The following PCDHGA7 variants were observed in gnomAD, a reference collection of about 807,000 sequenced individuals.
The protein encoded by PCDHGA7 is protocadherin gamma-A7.
A neutral mutation model predicts 58.3 loss-of-function variants in PCDHGA7; 44 were observed. The ratio of observed to expected loss-of-function variants is 0.75; its 90% CI spans 0.59 to 0.97. The LOEUF (loss-of-function observed/expected upper bound fraction) is 0.97. Ranked by LOEUF, PCDHGA7 falls within the 50% of genes least tolerant of loss-of-function variation. The probability of loss-of-function intolerance (pLI) is 0.00; values close to 1 mark genes in which losing one functional copy is unlikely to be tolerated. For missense variants in PCDHGA7, 1,266 were observed against 1,188.7 expected (o/e 1.06, Z -0.96); for synonymous variants, 516 against 504.2 (o/e 1.02, Z -0.31).
At chr5:141,405,169 CTT>C (rs1561698717) in intron 1 of PCDHGA7, 2 of 1,614,122 alleles carry the variant, frequency 1.2e-6, no homozygotes, top group Non-Finnish European at 1.7e-6. Flanking sequence ...CCACCTCACA[CTT>C]TGTGGGTGTA....
intron 1 of PCDHGA7, chr5:141,418,947 G>T (rs534744990): frequency 6.2e-7 from 1 of 1,614,022 alleles, no homozygotes; most frequent in African/African-American, 1.3e-5. Context: ...TCCCCTCCAG[G>T]AGTGGTTGTT....
chr5:141,499,616 C>T (rs538268323), intron 2 of PCDHGA7, among the ~76,000 whole-genome samples: 2 of 152,058 alleles, frequency 1.3e-5, no homozygotes, highest in South Asian at 4.2e-4. Context: ...CTTATCCTGT[C>T]CTTGGATTCT....
At chr5:141,409,294 G>T (rs1438036410) in intron 1 of PCDHGA7, 11 of 1,613,826 alleles carry the variant, frequency 6.8e-6, no homozygotes, top group South Asian at 1.1e-5. Flanking sequence ...CTCCAGGAAT[G>T]GTTGTTGCCC....
At chr5:141,482,790 G>A (rs2099572686) in intron 1 of PCDHGA7, among the ~76,000 whole-genome samples, 1 of 128,870 alleles carries the variant, frequency 7.8e-6, no homozygotes, top group African/African-American at 3.5e-5. Context: ...CTGTGTGTGT[G>A]GCCGGGTACG....
Position 141,511,451 on chromosome 5 carries a change from A to G in PCDHGA7, c.*278A>G, listed in dbSNP as rs2099883797. On this transcript the variant is annotated 3_prime_UTR_variant, in exon 4 of 4. Coordinates refer to ENST00000518325, the MANE Select transcript of PCDHGA7 (RefSeq NM_018920.4). ...GGGGTTACTGTAGACACCAAGAACC[A>G]TTTGCCACACCCCGTTTAGTTACAG... is the stretch of plus-strand genomic sequence containing the variant. The G allele has an allele frequency of 4.9e-6, 3 of 606,372 alleles. No homozygotes were observed. Among genetic ancestry groups the G allele is most frequent in the Non-Finnish European group, 8.1e-6 (3 of 368,942 alleles). The allele number at this position is 606,372 out of a possible 1,614,324, so 37.6% of individuals were successfully genotyped here.
chr5:141,449,040 C>A (rs1333983931), intron 1 of PCDHGA7, among the ~76,000 whole-genome samples: 2 of 152,126 alleles, frequency 1.3e-5, no homozygotes, highest in Non-Finnish European at 2.9e-5. Flanking sequence ...GGATTATTAA[C>A]CAGTCTCATA....
At position 141,383,865 on chromosome 5, in the gene PCDHGA7, A is replaced by C; in HGVS notation, c.966A>C (p.Gln322His). ...TAFYEMEVQA[Q>H]DGPGSLTKAK... ...TCTATGAAATGGAGGTTCAGGCTCAAGATGGTCCTGGTAGTCTGACAAAGG... is the reference window on the plus strand; with the variant it reads ...TCTATGAAATGGAGGTTCAGGCTCACGATGGTCCTGGTAGTCTGACAAAGG... Residue 322 changes from glutamine to histidine, a missense_variant, in exon 1 of 4, where the codon CAA becomes CAC. Gln to His is a conservative substitution (Grantham distance 24, BLOSUM62 0). Transcript: ENST00000518325. 1.9e-6 allele frequency: 3 copies of C among 1,614,012 alleles called. No individual in the cohort carries two copies. Among genetic ancestry groups the C allele is most frequent in the Non-Finnish European group, 2.5e-6 (3 of 1,179,900 alleles).
chr5:141,404,932 C>A, intron 1 of PCDHGA7: 1 of 1,613,944 alleles, frequency 6.2e-7, no homozygotes, highest in Non-Finnish European at 8.5e-7. Flanking sequence ...CTGTCACGCT[C>A]ACAGTAGCCA....
intron 1 of PCDHGA7, chr5:141,388,629 G>T (rs755930967): frequency 6.2e-7 from 1 of 1,613,942 alleles, no homozygotes. Context: ...CGTATACAGG[G>T]TGAGCCTTTC....
In PCDHGA7 at chr5:141,430,720, T is replaced by C. The variant is rs369549088; in HGVS notation, c.2424+45397T>C. On this transcript the variant is annotated intron_variant, in intron 1 of 3. Transcript: ENST00000518325. ...AAGGAACTGCTCCTGACTTCAGTGG[T>C]TAAGGGCAGAATTGAAAATAATTCT... The C allele has an allele frequency of 4.9e-4, 734 of 1,486,386 alleles. 1 individual carries two copies. Among genetic ancestry groups the C allele is most frequent in the Middle Eastern group, 9.1e-4 (5 of 5,506 alleles). The allele number at this position is 1,486,386 out of a possible 1,614,324, so 92.1% of individuals were successfully genotyped here.
chr5:141,405,770 G>T (rs989163026), intron 1 of PCDHGA7, among the ~76,000 whole-genome samples: 1 of 152,032 alleles, frequency 6.6e-6, no homozygotes. Context: ...GAGCCACTGC[G>T]CCTGGCCCTT....
At chr5:141,417,213 G>A (rs1470553702) in intron 1 of PCDHGA7, 2 of 152,108 alleles carry the variant, frequency 1.3e-5, no homozygotes, top group African/African-American at 4.8e-5. Context: ...GGCTAGAATT[G>A]AAGACAAAAA....
chr5:141,467,287 A>C (rs2099140956), intron 1 of PCDHGA7, among the ~76,000 whole-genome samples: 1 of 152,082 alleles, frequency 6.6e-6, no homozygotes, highest in Admixed American at 6.6e-5. Flanking sequence ...TCTTGACCTC[A>C]AGTGATCCAC....
intron 1 of PCDHGA7, chr5:141,403,572 C>T (rs749341214): frequency 1.9e-6 from 3 of 1,613,946 alleles, no homozygotes; most frequent in Non-Finnish European, 8.5e-7. Flanking sequence ...GAGGCAACTG[C>T]CCACCACCTG....
At chr5:141,394,547 G>T (rs771070854) in intron 1 of PCDHGA7, 6 of 1,614,098 alleles carry the variant, frequency 3.7e-6, no homozygotes, top group East Asian at 2.2e-5. Context: ...TGGAGCTGGC[G>T]CCCCGCTCCG....
chr5:141,499,551 A>T (rs1178321389), intron 2 of PCDHGA7, among the ~76,000 whole-genome samples: 1 of 152,200 alleles, frequency 6.6e-6, no homozygotes, highest in Non-Finnish European at 1.5e-5. Flanking sequence ...AACCTGTATG[A>T]TACCACTATC....
intron 2 of PCDHGA7, among the ~76,000 whole-genome samples, chr5:141,502,625 T>G (rs2099815384): frequency 6.6e-6 from 1 of 152,210 alleles, no homozygotes; most frequent in Admixed American, 6.5e-5. Context: ...ATAAGTAATC[T>G]GTGGATGATA....
rs775037681 is a variant in PCDHGA7 at position 141,388,812 on chromosome 5, G to T, written c.2424+3489G>T. On this transcript the variant is annotated intron_variant, in intron 1 of 3. Transcript: ENST00000518325. Reference sequence around the variant, plus strand: ...TTTAAATACATTAGATTTTGAAGAAGTCAAAGAATATTCCATAGTTTTGGA... The same window carrying T: ...TTTAAATACATTAGATTTTGAAGAATTCAAAGAATATTCCATAGTTTTGGA... 2.1e-5 allele frequency: 34 copies of T among 1,613,816 alleles called. No homozygotes were observed. Among genetic ancestry groups the T allele is most frequent in the Non-Finnish European group, 2.8e-5 (33 of 1,179,866 alleles).
At chr5:141,399,805 T>C (rs776266997) in intron 1 of PCDHGA7, 26 of 1,613,074 alleles carry the variant, frequency 1.6e-5, no homozygotes, top group Non-Finnish European at 8.5e-7. Flanking sequence ...GCGGGTGCTG[T>C]ACCCCGCGCT....
Sources: allele counts gnomAD v4.1 joint callset (sites outside exome capture counted in the v4.1 genomes callset), GRCh38; gene constraint gnomAD v4.1.1; transcripts MANE v1.5; gene names NCBI Gene and HGNC (gene_info 2026-07-23, HGNC 2026-07-21).